The following IL16 variants were observed in gnomAD, a reference collection of about 807,000 sequenced individuals.
The protein encoded by IL16 is pro-interleukin-16.
In IL16, 67 loss-of-function variants were observed where a neutral mutation model predicts 110.1. The observed-to-expected ratio is 0.61, with a 90% confidence interval of 0.50 to 0.75. The LOEUF (loss-of-function observed/expected upper bound fraction) is 0.75, where lower values mean the gene tolerates loss of function less well. IL16 is among the 30% of genes least tolerant of loss of function. The pLI is 0.00. For missense variants in IL16, 1,545 were observed against 1,655.0 expected (o/e 0.93, Z 1.15); for synonymous variants, 689 against 662.9 (o/e 1.04, Z -0.61).
chr15:81,267,479 G>GACAC (rs56259509), intron 4 of IL16, among the ~76,000 whole-genome samples: 30,757 of 107,558 alleles, frequency 0.29, 3,885 homozygotes, highest in East Asian at 0.48. Context: ...CACATACACA[G>GACAC]ACACACACAC....
intron 11 of IL16, 78 bp from the exon 12 acceptor site, chr15:81,292,478 G>A: frequency 6.2e-7 from 1 of 1,601,820 alleles, no homozygotes; most frequent in Non-Finnish European, 8.5e-7. Context: ...GCTGCCCGTG[G>A]CAGTCACAGG....
intron 1 of IL16, among the ~76,000 whole-genome samples, chr15:81,208,445 G>A (rs763694915): frequency 2.0e-5 from 3 of 152,176 alleles, no homozygotes; most frequent in African/African-American, 2.4e-5. Flanking sequence ...TCTTGCCTCA[G>A]CCTCCAGAGT....
intron 2 of IL16, among the ~76,000 whole-genome samples, chr15:81,251,215 G>A (rs1038394156): frequency 1.3e-5 from 2 of 152,072 alleles, no homozygotes; most frequent in Non-Finnish European, 2.9e-5. Flanking sequence ...TGACTGGGCT[G>A]GGATGCAGTG....
At chr15:81,292,023 G>T in intron 11 of IL16, 1 of 455,356 alleles carries the variant, frequency 2.2e-6, no homozygotes, top group South Asian at 1.5e-5. Context: ...AGGGAGGGGA[G>T]CAGGCAGGGT....
chr15:81,306,262 C>A, intron 17 of IL16, 96 bp downstream of exon 17: 1 of 1,534,754 alleles, frequency 6.5e-7, no homozygotes, highest in Non-Finnish European at 8.8e-7. Context: ...TTTGTGACCC[C>A]AAGAATGTGT....
At chr15:81,274,326 T>C (rs997658947) in intron 6 of IL16, among the ~76,000 whole-genome samples, 2 of 152,216 alleles carry the variant, frequency 1.3e-5, no homozygotes, top group Non-Finnish European at 2.9e-5. Context: ...TTTTATGATA[T>C]GTGGAAATGA....
At chr15:81,224,369 T>G (rs566772143) in intron 1 of IL16, among the ~76,000 whole-genome samples, 2 of 152,328 alleles carry the variant, frequency 1.3e-5, no homozygotes, top group East Asian at 1.9e-4. Context: ...GGATACAGCA[T>G]CAGGGCTCCT....
chr15:81,256,672 G>A (rs1253923727), intron 2 of IL16, among the ~76,000 whole-genome samples: 11 of 152,162 alleles, frequency 7.2e-5, no homozygotes, highest in Admixed American at 6.5e-5. Flanking sequence ...CTTAGTATTC[G>A]ATGTATTGTG....
chr15:81,205,676 TA>T (rs1294678201), intron 1 of IL16, among the ~76,000 whole-genome samples: 2 of 151,930 alleles, frequency 1.3e-5, no homozygotes, highest in Non-Finnish European at 2.9e-5. Flanking sequence ...CACATTAAAA[TA>T]AAAGAGACTC....
At chr15:81,308,240 G>A (rs925924180) in intron 18 of IL16, among the ~76,000 whole-genome samples, 1 of 152,188 alleles carries the variant, frequency 6.6e-6, no homozygotes, top group East Asian at 1.9e-4. Context: ...AATGTGAAGG[G>A]AGTAGGATAT....
intron 1 of IL16, among the ~76,000 whole-genome samples, chr15:81,209,829 T>C (rs1294976531): frequency 1.3e-5 from 2 of 152,196 alleles, no homozygotes; most frequent in African/African-American, 4.8e-5. Context: ...AGATGAACTC[T>C]GCAGGCTCCA....
intron 6 of IL16, among the ~76,000 whole-genome samples, chr15:81,274,908 G>T (rs553165616): frequency 6.6e-6 from 1 of 152,004 alleles, no homozygotes; most frequent in East Asian, 1.9e-4. Flanking sequence ...TGTGACCAGG[G>T]TTTTCAGAGG....
In IL16 at chr15:81,292,019, G is replaced by A. The variant is rs141558057; in HGVS notation, c.1421-537G>A. 1,516 of 455,602 alleles carry A rather than the reference G, an allele frequency of 3.3e-3. 39 individuals are homozygous for A. The highest frequency in any genetic ancestry group is 0.029 in the Admixed American group (1,230 of 42,558). The allele number at this position is 455,602 out of a possible 1,614,324, so 28.2% of individuals were successfully genotyped here. On this transcript the variant is annotated intron_variant, in intron 11 of 18. Transcript: ENST00000683961. The stretch of plus-strand genomic sequence containing the variant: ...GGGGTTCACTACCTGTGGCAGGGAG[G>A]GGAGCAGGCAGGGTAGACAGAGGGA...
intron 3 of IL16, among the ~76,000 whole-genome samples, chr15:81,262,561 TTTTG>T (rs146709734): frequency 0.24 from 36,924 of 151,962 alleles, 5,111 homozygotes; most frequent in African/African-American, 0.37. Context: ...ATTTTGCGTT[TTTTG>T]TTTGTTTTGT....
chr15:81,246,213 C>T (rs57131042), intron 2 of IL16, among the ~76,000 whole-genome samples: 36,050 of 151,080 alleles, frequency 0.24, 4,953 homozygotes, highest in African/African-American at 0.38. Context: ...TTCTAAAATG[C>T]GAGAGTTTTA....
At chr15:81,276,915 AG>A (rs1385569331) in intron 6 of IL16, among the ~76,000 whole-genome samples, 1 of 152,232 alleles carries the variant, frequency 6.6e-6, no homozygotes, top group Non-Finnish European at 1.5e-5. Context: ...GAGGAGCGTT[AG>A]CCCTTAACAA....
At chr15:81,203,169 G>GGTGT (rs1895885436) in intron 1 of IL16, among the ~76,000 whole-genome samples, 1 of 145,472 alleles carries the variant, frequency 6.9e-6, no homozygotes, top group African/African-American at 2.8e-5. Context: ...TTTTGATGGG[G>GGTGT]TTGTTTTTTT....
chr15:81,292,934 C>A lies in IL16; in HGVS notation c.1799C>A (p.Pro600Gln). The part of the protein sequence containing the change: ...RKPMSSKPKP[P>Q]PRKYFKSDSD... ...CCTATGTCCTCCAAGCCCAAGCCTCCACCCAGAAAATACTTTAAAAGTGAC... is the reference window on the plus strand; with the variant it reads ...CCTATGTCCTCCAAGCCCAAGCCTCAACCCAGAAAATACTTTAAAAGTGAC... The change falls in exon 12 of 19, where the codon CCA (proline) becomes CAA (glutamine). Residue 600 changes from proline to glutamine, a missense_variant. Coordinates refer to ENST00000683961, the MANE Select transcript of IL16 (RefSeq NM_172217.5). 6.2e-7 allele frequency: 1 copy of A among 1,614,194 alleles called. No homozygotes were observed. Among genetic ancestry groups the A allele is most frequent in the Non-Finnish European group, 8.5e-7 (1 of 1,180,036 alleles).
chr15:81,289,485 G>A (rs1027906309), intron 10 of IL16, among the ~76,000 whole-genome samples: 1 of 152,122 alleles, frequency 6.6e-6, no homozygotes, highest in Non-Finnish European at 1.5e-5. Flanking sequence ...TGTGTGTGAG[G>A]TGGTAACTCA....
Sources: allele counts gnomAD v4.1 joint callset (sites outside exome capture counted in the v4.1 genomes callset), GRCh38; gene constraint gnomAD v4.1.1; transcripts MANE v1.5; gene names NCBI Gene and HGNC (gene_info 2026-07-23, HGNC 2026-07-21).